C12orf42: variants seen among roughly 807,000 people sequenced by gnomAD.
C12orf42 encodes uncharacterized protein C12orf42.
In C12orf42, 25 loss-of-function variants were observed where a neutral mutation model predicts 21.6. The ratio of observed to expected loss-of-function variants is 1.16; its 90% CI spans 0.84 to 1.62. The LOEUF (loss-of-function observed/expected upper bound fraction) is 1.62, where lower values mean the gene tolerates loss of function less well. Ranked by LOEUF, C12orf42 falls within the 40% of genes most tolerant of loss-of-function variation. C12orf42 has a pLI of 0.00. For synonymous variants in C12orf42, 174 were observed against 175.0 expected, an observed-to-expected ratio of 0.99 and a Z score of 0.05; for missense variants, 483 against 459.3, an observed-to-expected ratio of 1.05 and a Z score of -0.47.
intron 4 of C12orf42, among the ~76,000 whole-genome samples, chr12:103,347,596 C>T (rs958857152): frequency 6.6e-6 from 1 of 152,130 alleles, no homozygotes; most frequent in African/African-American, 2.4e-5. Context: ...ATTCAAAGAA[C>T]AGTGCCATCT....
chr12:103,219,753 A>G, the C12orf42 span, among the ~76,000 whole-genome samples: 1 of 152,234 alleles, frequency 6.6e-6, no homozygotes, highest in East Asian at 1.9e-4. Flanking sequence ...TTAAAAAGTC[A>G]GGAAAAAACA....
At chr12:103,443,207 C>T (rs750549876) in intron 2 of C12orf42, among the ~76,000 whole-genome samples, 14 of 152,050 alleles carry the variant, frequency 9.2e-5, no homozygotes, top group African/African-American at 2.9e-4. Flanking sequence ...TGCTTTTCTA[C>T]GACTAACAAG....
At chr12:103,539,054 T>C in the C12orf42 span, among the ~76,000 whole-genome samples, 1 of 152,228 alleles carries the variant, frequency 6.6e-6, no homozygotes, top group Middle Eastern at 3.2e-3. Context: ...CCAAAAGTTC[T>C]GTTCTCTCTC....
the C12orf42 span, among the ~76,000 whole-genome samples, chr12:103,193,482 GA>G: frequency 3.3e-4 from 50 of 151,686 alleles, no homozygotes; most frequent in African/African-American, 1.2e-3. Context: ...ACAAGAAAAA[GA>G]AGCAATTAAA....
At chr12:103,386,623 T>C (rs2046631751) in intron 3 of C12orf42, among the ~76,000 whole-genome samples, 1 of 152,214 alleles carries the variant, frequency 6.6e-6, no homozygotes, top group African/African-American at 2.4e-5. Context: ...AAAAAGATTA[T>C]GCTACAGAGA....
the C12orf42 span, among the ~76,000 whole-genome samples, chr12:103,142,396 T>G: frequency 6.6e-6 from 1 of 152,188 alleles, no homozygotes; most frequent in Admixed American, 6.5e-5. Context: ...CAAAGAACAG[T>G]TTACAAACCC....
the C12orf42 span, among the ~76,000 whole-genome samples, chr12:103,172,125 A>T: frequency 5.9e-5 from 9 of 152,080 alleles, no homozygotes; most frequent in African/African-American, 1.9e-4. Context: ...CATTTCTCAA[A>T]TTTTAGGCAG....
chr12:103,146,560 A>AAAAGAAAAG, the C12orf42 span, among the ~76,000 whole-genome samples: 1 of 119,958 alleles, frequency 8.3e-6, no homozygotes, highest in South Asian at 3.0e-4. Flanking sequence ...ATAAAGAAAG[A>AAAAGAAAAG]AAAGAAAGAA....
chr12:103,125,757 C>T, the C12orf42 span, among the ~76,000 whole-genome samples: 2 of 152,102 alleles, frequency 1.3e-5, no homozygotes, highest in African/African-American at 4.8e-5. Context: ...TCCTAACTCC[C>T]ATTAAAACCA....
chr12:103,237,778 G>C (rs541917648), exon 11 of C12orf42: 1 of 152,314 alleles, frequency 6.6e-6, no homozygotes, highest in South Asian at 2.1e-4. Flanking sequence ...GTGCAGACTT[G>C]TTCCTTTGGG....
the C12orf42 span, among the ~76,000 whole-genome samples, chr12:103,092,525 C>A: frequency 6.6e-6 from 1 of 152,148 alleles, no homozygotes; most frequent in Non-Finnish European, 1.5e-5. Flanking sequence ...ACTATAACAA[C>A]AGAATAACAC....
the C12orf42 span, among the ~76,000 whole-genome samples, chr12:103,091,550 G>A: frequency 6.6e-6 from 1 of 152,126 alleles, no homozygotes; most frequent in African/African-American, 2.4e-5. Flanking sequence ...AACATGTAAA[G>A]TTCCATCTAA....
At chr12:103,083,035 C>A in the C12orf42 span, among the ~76,000 whole-genome samples, 2 of 152,064 alleles carry the variant, frequency 1.3e-5, no homozygotes, top group Non-Finnish European at 2.9e-5. Flanking sequence ...TGAAGTGAAG[C>A]CTCGGGTAGA....
chr12:103,195,401 A>G, the C12orf42 span, among the ~76,000 whole-genome samples: 2 of 152,110 alleles, frequency 1.3e-5, no homozygotes, highest in Non-Finnish European at 1.5e-5. Flanking sequence ...ACTAATTTGC[A>G]TTCCCATCAG....
chr12:103,399,853 A>G (rs1055916419), intron 3 of C12orf42, among the ~76,000 whole-genome samples: 6 of 152,190 alleles, frequency 3.9e-5, no homozygotes, highest in African/African-American at 1.2e-4. Flanking sequence ...AAAGACACAC[A>G]CACATACACA....
chr12:103,154,934 C>T, the C12orf42 span, among the ~76,000 whole-genome samples: 1 of 152,132 alleles, frequency 6.6e-6, no homozygotes, highest in South Asian at 2.1e-4. Context: ...GAATAAAATT[C>T]ACCCTCCTCA....
At chr12:103,560,362 T>TTCA in the C12orf42 span, among the ~76,000 whole-genome samples, 1 of 10,804 alleles carries the variant, frequency 9.3e-5, no homozygotes, top group Non-Finnish European at 3.1e-4. Flanking sequence ...CAGGCTCTGA[T>TTCA]GCTTACTAGC....
chr12:103,085,672 C>T, the C12orf42 span, among the ~76,000 whole-genome samples: 3 of 152,012 alleles, frequency 2.0e-5, no homozygotes, highest in South Asian at 2.1e-4. Flanking sequence ...GTAATCTAAC[C>T]GTGCCATTCA....
At position 103,311,794 on chromosome 12, in the gene C12orf42, G is replaced by A. The variant is rs7309454; in HGVS notation, c.260-5449C>T. 4.2e-3 allele frequency among the ~76,000 whole-genome samples: 641 copies of A among 152,126 alleles called. 2 individuals are homozygous for A. Among genetic ancestry groups the A allele is most frequent in the African/African-American group, 0.014 (588 of 41,502 alleles). Reference sequence around the variant, plus strand: ...GACATGCTTTTAAAAATATAAACACGTGCTCCCACCCTTGACCAATCAGTG... The same window carrying A: ...GACATGCTTTTAAAAATATAAACACATGCTCCCACCCTTGACCAATCAGTG... On this transcript the variant is annotated intron_variant, in intron 4 of 5. Coordinates refer to ENST00000548883, the MANE Select transcript of C12orf42 (RefSeq NM_198521.5).
Sources: gnomAD v4.1 joint callset for allele counts (sites outside exome capture counted in the v4.1 genomes callset) on GRCh38, gnomAD v4.1.1 for gene constraint, MANE v1.5 for transcripts, NCBI Gene and HGNC (gene_info 2026-07-23, HGNC 2026-07-21) for gene names.